Variants in DCLK1 observed in about 807,000 individuals in gnomAD.
The protein encoded by DCLK1 is doublecortin like kinase 1.
A neutral mutation model predicts 86.2 loss-of-function variants in DCLK1; 16 were observed. The ratio of observed to expected loss-of-function variants is 0.19; its 90% CI spans 0.13 to 0.28. DCLK1 has a LOEUF of 0.28. DCLK1 is among the 10% of genes least tolerant of loss of function. The pLI, the probability that DCLK1 is intolerant of heterozygous loss-of-function variation, is 1.00. For synonymous variants in DCLK1, 369 were observed against 370.5 expected (o/e 1.00, Z 0.05); for missense variants, 590 against 940.2 (o/e 0.63, Z 4.87).
intron 3 of DCLK1, among the ~76,000 whole-genome samples, chr13:36,096,190 T>A (rs1433784030): frequency 6.6e-6 from 1 of 152,214 alleles, no homozygotes; most frequent in African/African-American, 2.4e-5. Context: ...CAATCTCAGT[T>A]CCTCACTAAC....
chr13:35,845,395 C>G (rs1870105029), intron 6 of DCLK1, among the ~76,000 whole-genome samples: 3 of 152,048 alleles, frequency 2.0e-5, no homozygotes, highest in Non-Finnish European at 4.4e-5. Context: ...TTTTAATTAA[C>G]TTTATTTTTA....
At position 35,839,448 on chromosome 13, in the gene DCLK1, G is replaced by A. The variant is rs17052974; in HGVS notation, c.1036-272C>T. Among the ~76,000 whole-genome samples the A allele has an allele frequency of 5.1e-3, 783 of 152,162 alleles. 7 individuals carry two copies. The highest frequency in any genetic ancestry group is 0.018 in the African/African-American group (759 of 41,506). On this transcript the variant is annotated intron_variant, in intron 6 of 16. Transcript: ENST00000360631. ...CTTCTTATTCCTTTTGCTCAAAATCGGGGTCCTTTAGCTCGCTGTTTGGGT... is the reference window on the plus strand; with the variant it reads ...CTTCTTATTCCTTTTGCTCAAAATCAGGGTCCTTTAGCTCGCTGTTTGGGT...
At chr13:35,934,552 T>C (rs1034884842) in intron 4 of DCLK1, among the ~76,000 whole-genome samples, 1 of 152,276 alleles carries the variant, frequency 6.6e-6, no homozygotes, top group Admixed American at 6.5e-5. Context: ...GGTAAAACCA[T>C]CAGATCTTAT....
In DCLK1 at chr13:35,976,791, C is replaced by T. The variant is rs1471147664; in HGVS notation, c.724-29334G>A. Among the ~76,000 whole-genome samples, 4 of 152,124 alleles carry T rather than the reference C, an allele frequency of 2.6e-5. No homozygotes were observed. In the East Asian group the frequency reaches 7.8e-4, roughly 30 times the overall value. On this transcript the variant is annotated intron_variant, in intron 3 of 16. Coordinates refer to ENST00000360631, the MANE Select transcript of DCLK1 (RefSeq NM_001330071.2). ...CCTCGTGATCCGCCCGCCTCGGCCT[C>T]CCAAAGTGCTGGGATTACAGGCGTG...
At chr13:35,904,427 G>A (rs942572291) in intron 4 of DCLK1, among the ~76,000 whole-genome samples, 4 of 152,138 alleles carry the variant, frequency 2.6e-5, no homozygotes, top group African/African-American at 9.7e-5. Context: ...CCTCACCACA[G>A]GTGATCTGCT....
intron 14 of DCLK1, among the ~76,000 whole-genome samples, chr13:35,806,208 A>G (rs2087024182): frequency 6.6e-6 from 1 of 152,140 alleles, no homozygotes; most frequent in Non-Finnish European, 1.5e-5. Context: ...ATTTCCCCCT[A>G]ATTTCAAGAC....
intron 3 of DCLK1, among the ~76,000 whole-genome samples, chr13:36,017,477 C>G (rs1881584206): frequency 6.6e-6 from 1 of 152,124 alleles, no homozygotes; most frequent in African/African-American, 2.4e-5. Flanking sequence ...CTCTTTTAAC[C>G]AACACATCTA....
At chr13:36,107,335 ATTT>A (rs10670428) in intron 3 of DCLK1, among the ~76,000 whole-genome samples, 28 of 110,302 alleles carry the variant, frequency 2.5e-4, no homozygotes, top group African/African-American at 9.5e-4. Flanking sequence ...GCAGTGGTAG[ATTT>A]TTTTTTTTTT....
At chr13:35,876,410 C>T (rs1223079496) in intron 4 of DCLK1, among the ~76,000 whole-genome samples, 4 of 152,040 alleles carry the variant, frequency 2.6e-5, no homozygotes, top group African/African-American at 9.7e-5. Context: ...AACATAAATC[C>T]AGCTGAAGAA....
chr13:35,976,140 G>A (rs1879316235), intron 3 of DCLK1, among the ~76,000 whole-genome samples: 1 of 152,174 alleles, frequency 6.6e-6, no homozygotes, highest in Admixed American at 6.5e-5. Context: ...AGGATGACAT[G>A]CGGGTAGGGT....
At chr13:35,785,484 C>T (rs902242243) in intron 16 of DCLK1, among the ~76,000 whole-genome samples, 6 of 152,056 alleles carry the variant, frequency 3.9e-5, no homozygotes, top group African/African-American at 1.5e-4. Context: ...CTCCTGGATG[C>T]GTGGGTCAAG....
At chr13:36,000,041 G>A (rs1880643860) in intron 3 of DCLK1, among the ~76,000 whole-genome samples, 1 of 152,158 alleles carries the variant, frequency 6.6e-6, no homozygotes, top group African/African-American at 2.4e-5. Flanking sequence ...GTAACTGCAA[G>A]CTTTAAGTCA....
chr13:36,087,383 G>C (rs1454235631), intron 3 of DCLK1, among the ~76,000 whole-genome samples: 1 of 152,208 alleles, frequency 6.6e-6, no homozygotes, highest in African/African-American at 2.4e-5. Flanking sequence ...TTCAAGCACA[G>C]GTATTGCTAA....
Position 35,839,189 on chromosome 13 carries a change from A to G in DCLK1, c.1036-13T>C. 2 of 1,565,170 alleles carry G rather than the reference A, an allele frequency of 1.3e-6. No homozygotes were observed. Among genetic ancestry groups the G allele is most frequent in the Non-Finnish European group, 1.7e-6 (2 of 1,154,082 alleles). ...CATGCTGAGAGCTCTGTAGGGGAAC[A>G]GAAACCGGTAATTCAAAAACTGGGT... On this transcript the variant is annotated splice_polypyrimidine_tract_variant and intron_variant, in intron 6 of 16. Coordinates refer to ENST00000360631, the MANE Select transcript of DCLK1 (RefSeq NM_001330071.2).
chr13:35,886,007 C>CT (rs10589320), intron 4 of DCLK1, among the ~76,000 whole-genome samples: 3,992 of 130,504 alleles, frequency 0.031, 90 homozygotes, highest in African/African-American at 0.058. Flanking sequence ...GAATAGGTTC[C>CT]TTTTTTTTTT....
intron 5 of DCLK1, among the ~76,000 whole-genome samples, chr13:35,859,582 G>A (rs1026487857): frequency 4.6e-5 from 7 of 152,164 alleles, no homozygotes; most frequent in Middle Eastern, 3.4e-3. Flanking sequence ...AGCATATACC[G>A]GTCACAGCGC....
chr13:35,953,469 C>T (rs1007677853), intron 3 of DCLK1, among the ~76,000 whole-genome samples: 3 of 152,096 alleles, frequency 2.0e-5, no homozygotes, highest in African/African-American at 4.8e-5. Flanking sequence ...GAAGGAAGTT[C>T]GAATTATTCC....
At chr13:35,899,209 G>A (rs763008524) in intron 4 of DCLK1, among the ~76,000 whole-genome samples, 6 of 152,126 alleles carry the variant, frequency 3.9e-5, no homozygotes, top group Non-Finnish European at 8.8e-5. Context: ...AGATAAAAAT[G>A]TGAGATGCTA....
At chr13:35,788,352 A>C in intron 16 of DCLK1, 1 of 1,422,782 alleles carries the variant, frequency 7.0e-7, no homozygotes, top group Non-Finnish European at 9.9e-7. Flanking sequence ...ACTCCAGACC[A>C]AGCTGTTCTT....
Sources: allele counts gnomAD v4.1 joint callset (sites outside exome capture counted in the v4.1 genomes callset), GRCh38; gene constraint gnomAD v4.1.1; transcripts MANE v1.5; gene names NCBI Gene and HGNC (gene_info 2026-07-23, HGNC 2026-07-21).